Variants in ABCB9 observed in about 807,000 individuals in gnomAD.
ABCB9 encodes the protein ABC-type oligopeptide transporter ABCB9.
A neutral mutation model predicts 62.0 loss-of-function variants in ABCB9; 36 were observed. That is an observed-to-expected ratio of 0.58 (90% CI 0.45 to 0.77). ABCB9 has a LOEUF of 0.77. Ranked by LOEUF, ABCB9 falls within the 30% of genes least tolerant of loss-of-function variation. The pLI is 0.00. For missense variants in ABCB9, 943 were observed against 1,054.7 expected (o/e 0.89, Z 1.47); for synonymous variants, 435 against 461.4 (o/e 0.94, Z 0.73).
intron 1 of ABCB9, among the ~76,000 whole-genome samples, chr12:122,965,289 A>C (rs1431043213): frequency 1.3e-5 from 2 of 152,242 alleles, no homozygotes; most frequent in Non-Finnish European, 2.9e-5. Flanking sequence ...GGGCCAAAGA[A>C]CTTGGGTGGC....
chr12:122,946,356 G>T, intron 5 of ABCB9, 134 bp from the exon 6 acceptor site: 2 of 862,220 alleles, frequency 2.3e-6, no homozygotes, highest in Non-Finnish European at 3.6e-6. Flanking sequence ...AGGACAAAAA[G>T]ACAAGATCTA....
rs776873480 is a variant in ABCB9, at chr12:122,944,442, G to C, written c.1329C>G (p.Gly443=). The part of the protein sequence containing the change: ...HLVISGQMTS[G]NLIAFIIYEF... ...CGTAGATGATGAAGGCGATGAGGTT[G>C]CCGCTGGTCATCTGGCCTGAGATGA... is the stretch of plus-strand genomic sequence containing the variant. Residue 443 remains glycine, a synonymous_variant, in exon 7 of 12, where the codon GGC becomes GGG. Coordinates refer to ENST00000280560, the MANE Select transcript of ABCB9 (RefSeq NM_019625.4). The surrounding 1 kb of genome is among the most constrained non-coding windows in gnomAD (Gnocchi z 4.9). 3.1e-6 allele frequency: 5 copies of C among 1,613,510 alleles called. No individual in the cohort carries two copies. Among genetic ancestry groups the C allele is most frequent in the Non-Finnish European group, 4.2e-6 (5 of 1,179,722 alleles).
chr12:122,936,271 T>TA (rs1490052577), intron 9 of ABCB9, among the ~76,000 whole-genome samples: 11 of 152,172 alleles, frequency 7.2e-5, no homozygotes, highest in African/African-American at 2.7e-4. Context: ...CATATATTGA[T>TA]ATATTTCTAT....
Position 122,964,392 on chromosome 12 carries a change from G to A in ABCB9, c.-88+1895C>T, listed in dbSNP as rs1036817167. 6.6e-6 allele frequency among the ~76,000 whole-genome samples: 1 copy of A among 152,156 alleles called. No homozygotes were observed. Among genetic ancestry groups the A allele is most frequent in the Non-Finnish European group, 1.5e-5 (1 of 68,018 alleles). On this transcript the variant is annotated intron_variant, in intron 1 of 11. Transcript: ENST00000280560. This position sits in a 1 kb window ranked among gnomAD's most constrained non-coding sequence, Gnocchi z 4.7. ...CTACCAAAGCCACATTTTGCAGATGGGGAAACTGAGGCCCACAGAGGGAGG... is the reference window on the plus strand; with the variant it reads ...CTACCAAAGCCACATTTTGCAGATGAGGAAACTGAGGCCCACAGAGGGAGG...
Position 122,930,198 on chromosome 12 carries a change from G to T in ABCB9, c.2041-27C>A. The T allele has an allele frequency of 6.6e-7, 1 of 1,520,246 alleles. No individual in the cohort carries two copies. The highest frequency in any genetic ancestry group is 8.9e-7 in the Non-Finnish European group (1 of 1,126,658). 94.2% of individuals were successfully genotyped at this position (1,520,246 alleles called of 1,614,324 possible). On this transcript the variant is annotated intron_variant, in intron 11 of 11. Coordinates refer to ENST00000280560, the MANE Select transcript of ABCB9 (RefSeq NM_019625.4). The surrounding 1 kb of genome is among the most constrained non-coding windows in gnomAD (Gnocchi z 4.9). Reference sequence around the variant, plus strand: ...TGCGGGGACAGTGGGGGCCTGGCTTGCATGGCACGGACGCCCCACCCGCAA... The same window carrying T: ...TGCGGGGACAGTGGGGGCCTGGCTTTCATGGCACGGACGCCCCACCCGCAA...
chr12:122,967,645 C>T (rs574401308), upstream of ABCB9, among the ~76,000 whole-genome samples: 26 of 152,314 alleles, frequency 1.7e-4, no homozygotes, highest in South Asian at 4.1e-4. Flanking sequence ...TCCGCTACCA[C>T]GCCTGGCTAA....
chr12:122,944,939 T>C lies in ABCB9; in HGVS notation c.1252-420A>G, dbSNP rs1037345389. ...GTGGGGTTCCGTGAAGAAGGGGCTG[T>C]GATGGGAGCGCCCATGCCTTCCTCC... On this transcript the variant is annotated intron_variant, in intron 6 of 11. Coordinates refer to ENST00000280560, the MANE Select transcript of ABCB9 (RefSeq NM_019625.4). The surrounding 1 kb of genome is among the most constrained non-coding windows in gnomAD (Gnocchi z 4.9). Among the ~76,000 whole-genome samples, 27 of 152,206 alleles carry C rather than the reference T, an allele frequency of 1.8e-4. 1 individual carries two copies.
chr12:122,934,073 G>A (rs563685140), intron 10 of ABCB9, among the ~76,000 whole-genome samples: 8 of 152,078 alleles, frequency 5.3e-5, no homozygotes, highest in East Asian at 1.9e-4. Flanking sequence ...GTGAAACCCC[G>A]TCTCTACTAA....
rs969166900 is a variant in ABCB9 at position 122,944,302 on chromosome 12, T to TC, written c.1380+88dup. The TC allele has an allele frequency of 1.9e-4, 286 of 1,511,998 alleles. 2 individuals carry two copies. In the African/African-American group the frequency reaches 3.4e-3, roughly 18 times the overall value. The allele number at this position is 1,511,998 out of a possible 1,614,324, so 93.7% of individuals were successfully genotyped here. On this transcript the variant is annotated intron_variant, in intron 7 of 11. Coordinates refer to ENST00000280560, the MANE Select transcript of ABCB9 (RefSeq NM_019625.4). This position sits in a 1 kb window ranked among gnomAD's most constrained non-coding sequence, Gnocchi z 4.9. ...AGAGAGAAATACCACATTGTCAGAG[T>TC]CCCTGGAGCCCCGCCCCCACCCTGT...
intron 11 of ABCB9, chr12:122,931,947 G>A (rs1377315727): frequency 1.4e-5 from 9 of 639,370 alleles, no homozygotes; most frequent in Non-Finnish European, 2.4e-5. Flanking sequence ...CATGACCCAG[G>A]TCTCCCCATT....
intron 1 of ABCB9, among the ~76,000 whole-genome samples, chr12:122,961,568 T>C (rs2036909593): frequency 6.6e-6 from 1 of 152,066 alleles, no homozygotes; most frequent in African/African-American, 2.4e-5. Context: ...GAAAGAGTTA[T>C]GGAAGTCTGC....
chr12:122,949,158 G>A (rs956439576), intron 4 of ABCB9: 12 of 225,462 alleles, frequency 5.3e-5, no homozygotes, highest in African/African-American at 2.7e-4. Flanking sequence ...CACTGGCAGA[G>A]GGGGTAACTC....
intron 1 of ABCB9, among the ~76,000 whole-genome samples, chr12:122,965,867 G>A (rs552546513): frequency 1.3e-5 from 2 of 152,348 alleles, no homozygotes; most frequent in African/African-American, 4.8e-5. Flanking sequence ...CTTTGCCCAG[G>A]TCAGCAGGAA....
Position 122,960,078 on chromosome 12 carries a change from G to A in ABCB9, c.158C>T (p.Ala53Val). The A allele has an allele frequency of 1.9e-6, 3 of 1,613,470 alleles. No homozygotes were observed. The highest frequency in any genetic ancestry group is 1.1e-5 in the South Asian group (1 of 91,090). Residue 53 changes from alanine (A) to valine (V), a missense_variant, in exon 2 of 12, where the codon GCC (alanine) becomes GTC (valine). Ala to Val is a moderately conservative substitution (Grantham distance 64). Coordinates refer to ENST00000280560, the MANE Select transcript of ABCB9 (RefSeq NM_019625.4). Reference protein sequence around the residue: ...IFDSVLDLWAACLYRSCLLLG... With the variant: ...IFDSVLDLWAVCLYRSCLLLG... ...CAGCAGGCAGCTGCGGTACAGGCAG[G>A]CTGCCCAGAGATCCAGCACCGAGTC...
chr12:122,940,078 G>T lies in ABCB9; in HGVS notation c.1743+33C>A, dbSNP rs764668598. 1 of 1,589,836 alleles carries T rather than the reference G, an allele frequency of 6.3e-7. No individual in the cohort carries two copies. Among genetic ancestry groups the T allele is most frequent in the Non-Finnish European group, 8.6e-7 (1 of 1,167,478 alleles). On this transcript the variant is annotated intron_variant, in intron 9 of 11. Coordinates refer to ENST00000280560, the MANE Select transcript of ABCB9 (RefSeq NM_019625.4). The surrounding 1 kb of genome is among the most constrained non-coding windows in gnomAD (Gnocchi z 4.8). ...AGAAAGACGGTTAGATGCAGAAAGGGCGGAGAAGTGTGGCCCAGGCCCGTG... is the reference window on the plus strand; with the variant it reads ...AGAAAGACGGTTAGATGCAGAAAGGTCGGAGAAGTGTGGCCCAGGCCCGTG...
At position 122,929,889 on chromosome 12, in the gene ABCB9, C is replaced by T. The variant is rs755120360; in HGVS notation, c.*22G>A. On this transcript the variant is annotated 3_prime_UTR_variant, in exon 12 of 12. Transcript: ENST00000280560. The surrounding 1 kb of genome is among the most constrained non-coding windows in gnomAD (Gnocchi z 6.0). ...GCAGGCACCGGGTCCTCTGCCCCAC[C>T]GGGAGAAGCAGGGGCCCCCCATCAG... is the stretch of plus-strand genomic sequence containing the variant. 9.2e-6 allele frequency: 14 copies of T among 1,514,794 alleles called. No individual in the cohort carries two copies. In the African/African-American group the frequency reaches 9.6e-5, roughly 10 times the overall value. The allele number at this position is 1,514,794 out of a possible 1,614,324, so 93.8% of individuals were successfully genotyped here. A position where few individuals can be genotyped will look rare whatever the true frequency, so the allele number is the denominator to read the frequency against.
chr12:122,943,692 C>T lies in ABCB9; in HGVS notation c.1380+699G>A, dbSNP rs1051042343. 2.6e-5 allele frequency among the ~76,000 whole-genome samples: 4 copies of T among 151,578 alleles called. No individual in the cohort carries two copies. In the East Asian group the frequency reaches 7.7e-4, roughly 29 times the overall value. ...TTGCCCAGGCTGGAGTGCAGTGGCG[C>T]GATCTTGGCTCACTGTAACCTCTGC... On this transcript the variant is annotated intron_variant, in intron 7 of 11. Coordinates refer to ENST00000280560, the MANE Select transcript of ABCB9 (RefSeq NM_019625.4).
chr12:122,923,311 G>C (rs935486595), intron 11 of ABCB9, among the ~76,000 whole-genome samples: 2 of 146,740 alleles, frequency 1.4e-5, no homozygotes, highest in Admixed American at 6.8e-5. Flanking sequence ...TTTTTGAGAC[G>C]GAGTCTCGCT....
At chr12:122,974,511 G>C (rs886395379) in intron 1 of ABCB9, 4 of 152,200 alleles carry the variant, frequency 2.6e-5, no homozygotes. Flanking sequence ...TGATATAATA[G>C]TACCTAGCTC....
Sources: allele counts gnomAD v4.1 joint callset (sites outside exome capture counted in the v4.1 genomes callset), GRCh38; gene constraint gnomAD v4.1.1; non-coding constraint Gnocchi (gnomAD v3.1); transcripts MANE v1.5; gene names NCBI Gene and HGNC (gene_info 2026-07-23, HGNC 2026-07-21).